The following ANO5 variants were observed in gnomAD, a reference collection of about 807,000 sequenced individuals.
ANO5 encodes the protein anoctamin-5.
ANO5 carries 109 observed loss-of-function variants against 121.0 expected under a neutral mutation model. The observed-to-expected ratio is 0.90, with a 90% CI of 0.77 to 1.06. The LOEUF (loss-of-function observed/expected upper bound fraction) is 1.06. ANO5 is among the 50% of genes least tolerant of loss of function. The pLI is 0.00. For synonymous variants in ANO5, 406 were observed against 359.9 expected, an observed-to-expected ratio of 1.13 and a Z score of -1.45; for missense variants, 1,064 against 1,078.5, an observed-to-expected ratio of 0.99 and a Z score of 0.19.
chr11:22,207,264 G>A (rs1266327431), intron 2 of ANO5, among the ~76,000 whole-genome samples: 1 of 152,026 alleles, frequency 6.6e-6, no homozygotes, highest in Non-Finnish European at 1.5e-5. Context: ...AAGAAAGTGG[G>A]AGAAAACCCT....
chr11:22,216,394 A>G (rs567651224), intron 3 of ANO5, among the ~76,000 whole-genome samples: 3 of 151,886 alleles, frequency 2.0e-5, no homozygotes, highest in Non-Finnish European at 4.4e-5. Flanking sequence ...CAGTAATTCT[A>G]GTGGATAGGT....
At chr11:22,214,358 G>GA (rs1484689201) in intron 3 of ANO5, among the ~76,000 whole-genome samples, 3 of 151,790 alleles carry the variant, frequency 2.0e-5, no homozygotes, top group African/African-American at 7.3e-5. Context: ...TGTACCCAGG[G>GA]AAGTTTGGTT....
intron 20 of ANO5, among the ~76,000 whole-genome samples, chr11:22,275,530 A>C (rs1029046985): frequency 6.6e-6 from 1 of 151,912 alleles, no homozygotes; most frequent in African/African-American, 2.4e-5. Flanking sequence ...TAGCTGGACT[A>C]AATATTTGAG....
intron 7 of ANO5, among the ~76,000 whole-genome samples, chr11:22,228,522 G>A (rs1852923313): frequency 6.6e-6 from 1 of 151,688 alleles, no homozygotes; most frequent in Non-Finnish European, 1.5e-5. Context: ...CTCTCTTCTA[G>A]CTATTTTGAT....
chr11:22,263,835 A>G (rs1854273630), intron 17 of ANO5, among the ~76,000 whole-genome samples: 1 of 151,994 alleles, frequency 6.6e-6, no homozygotes, highest in Admixed American at 6.6e-5. Flanking sequence ...ATGAAAGAAG[A>G]CTGAAAACAC....
rs1205351330 is a variant in ANO5 at position 22,255,508 on chromosome 11, A to G, written c.1318A>G (p.Asn440Asp). Residue 440 changes from asparagine to aspartate, a missense_variant, in exon 13 of 22, where the codon AAT becomes GAT. Asn to Asp is a conservative substitution (Grantham distance 23). Coordinates refer to ENST00000324559, the MANE Select transcript of ANO5 (RefSeq NM_213599.3). ...AGCTATGTGTAAACACAGGAAATTG[A>G]ATGCAGTGACTAAGGTAGACTAGAA... ...FEAMCKHRKL[N>D]AVTKEMEPYM... 8.7e-6 allele frequency: 14 copies of G among 1,613,164 alleles called. No homozygotes were observed. Among genetic ancestry groups the G allele is most frequent in the Non-Finnish European group, 1.1e-5 (13 of 1,179,400 alleles).
Position 22,246,655 on chromosome 11 carries a change from G to T in ANO5, c.879-3582G>T, listed in dbSNP as rs1310062943. The stretch of plus-strand genomic sequence containing the variant: ...AGTTTGAGACGATTCTGGTCAACAT[G>T]GTGAAACCCCGTTTCTACCTAAAAA... On this transcript the variant is annotated intron_variant, in intron 9 of 21. Transcript: ENST00000324559. 4.6e-5 allele frequency among the ~76,000 whole-genome samples: 7 copies of T among 151,722 alleles called. No homozygotes were observed. The East Asian group carries it at 1.4e-3, about 29-fold the overall frequency.
intron 19 of ANO5, among the ~76,000 whole-genome samples, chr11:22,273,460 T>G (rs1854705560): frequency 6.6e-6 from 1 of 152,102 alleles, no homozygotes; most frequent in Non-Finnish European, 1.5e-5. Context: ...AAAGAAAATC[T>G]AACACTTTTA....
intron 9 of ANO5, among the ~76,000 whole-genome samples, chr11:22,246,775 G>A (rs1483132067): frequency 7.2e-6 from 1 of 139,794 alleles, no homozygotes; most frequent in African/African-American, 2.7e-5. Context: ...AGAATTGCTT[G>A]AACCTGGGAA....
At chr11:22,202,598 C>A (rs1438290037) in intron 1 of ANO5, among the ~76,000 whole-genome samples, 1 of 152,110 alleles carries the variant, frequency 6.6e-6, no homozygotes, top group African/African-American at 2.4e-5. Context: ...GGCTTGTTTC[C>A]TGGCTCATTA....
At chr11:22,215,132 A>G (rs1427840055) in intron 3 of ANO5, among the ~76,000 whole-genome samples, 6 of 151,946 alleles carry the variant, frequency 3.9e-5, no homozygotes, top group Admixed American at 1.3e-4. Context: ...TAAGCAAAGA[A>G]TGGGAATTGA....
At chr11:22,267,112 G>T (rs1242244359) in intron 17 of ANO5, among the ~76,000 whole-genome samples, 1 of 152,076 alleles carries the variant, frequency 6.6e-6, no homozygotes, top group African/African-American at 2.4e-5. Context: ...ATCGGTTAAA[G>T]TTATGCAAAA....
At chr11:22,197,197 A>G (rs1376580454) in intron 1 of ANO5, among the ~76,000 whole-genome samples, 2 of 152,180 alleles carry the variant, frequency 1.3e-5, no homozygotes, top group Non-Finnish European at 2.9e-5. Context: ...TTTTTTCACA[A>G]TTAAACACAT....
At chr11:22,264,352 C>T (rs11600782) in intron 17 of ANO5, among the ~76,000 whole-genome samples, 1 of 151,640 alleles carries the variant, frequency 6.6e-6, no homozygotes, top group African/African-American at 2.4e-5. Context: ...AGTTCTAGCT[C>T]TAGATTGAGA....
Position 22,279,785 on chromosome 11 carries a change from GCAGGTGATCTGCCTTACTT to G in ANO5, c.*23_*41del, listed in dbSNP as rs757320586. On this transcript the variant is annotated 3_prime_UTR_variant, in exon 22 of 22. Transcript: ENST00000324559. ...CTCTAATCAGTATAGTGAGGAAGCAGCAGGTGATCTGCCTTACTTCACTTTATCCTCTGGTTTTAGGGCC... is the reference window on the plus strand; with the variant it reads ...CTCTAATCAGTATAGTGAGGAAGCAGCACTTTATCCTCTGGTTTTAGGGCC... 2 of 1,594,762 alleles carry G rather than the reference GCAGGTGATCTGCCTTACTT, an allele frequency of 1.3e-6. No homozygotes were observed. The highest frequency in any genetic ancestry group is 2.2e-5 in the South Asian group (2 of 90,558).
At chr11:22,222,659 T>A (rs1236949742) in intron 5 of ANO5, among the ~76,000 whole-genome samples, 2 of 144,006 alleles carry the variant, frequency 1.4e-5, no homozygotes. Flanking sequence ...CTGTTACATA[T>A]CCCGCCAAGT....
At chr11:22,278,685 G>A (rs965753345) in intron 21 of ANO5, among the ~76,000 whole-genome samples, 1 of 151,544 alleles carries the variant, frequency 6.6e-6, no homozygotes, top group African/African-American at 2.4e-5. Context: ...TGATAACGTA[G>A]TGAGCTGATA....
chr11:22,203,716 A>C, intron 1 of ANO5, 88 bp from the exon 2 acceptor site: 1 of 783,088 alleles, frequency 1.3e-6, no homozygotes. Context: ...TAATTCATTC[A>C]ATTCCTATTT....
intron 15 of ANO5, 151 bp downstream of exon 15, chr11:22,259,892 A>C (rs1003495241): frequency 3.8e-6 from 3 of 784,006 alleles, no homozygotes; most frequent in Non-Finnish European, 6.4e-6. Context: ...TGCTATTTCA[A>C]AATTGCTCAA....
Sources: allele counts gnomAD v4.1 joint callset (sites outside exome capture counted in the v4.1 genomes callset), GRCh38; gene constraint gnomAD v4.1.1; transcripts MANE v1.5; gene names NCBI Gene and HGNC (gene_info 2026-07-23, HGNC 2026-07-21).